Variants in SYT16 observed in about 807,000 individuals in gnomAD.
SYT16 encodes the protein synaptotagmin-16.
SYT16 carries 42 observed loss-of-function variants against 61.4 expected under a neutral mutation model. That is an observed-to-expected ratio of 0.68 (90% CI 0.53 to 0.89). The LOEUF (loss-of-function observed/expected upper bound fraction) is 0.89. Among genes scored for constraint, SYT16 ranks in the 40% least tolerant of loss-of-function variants. SYT16 has a pLI of 0.00. For synonymous variants in SYT16, 314 were observed against 302.3 expected (o/e 1.04, Z -0.40); for missense variants, 804 against 807.3 (o/e 1.00, Z 0.05).
chr14:61,997,269 G>C (rs190423172), intron 3 of SYT16, among the ~76,000 whole-genome samples: 26 of 152,106 alleles, frequency 1.7e-4, no homozygotes, highest in African/African-American at 5.5e-4. Context: ...CCTGGTTAAG[G>C]GACAGAGGTA....
chr14:61,993,221 C>A (rs2140617562), intron 2 of SYT16, among the ~76,000 whole-genome samples: 1 of 150,092 alleles, frequency 6.7e-6, no homozygotes, highest in Non-Finnish European at 1.5e-5. Flanking sequence ...AGTGAGAACA[C>A]ATGGACACAG....
At chr14:62,031,689 A>C (rs114701012) in intron 3 of SYT16, among the ~76,000 whole-genome samples, 1 of 152,174 alleles carries the variant, frequency 6.6e-6, no homozygotes, top group Non-Finnish European at 1.5e-5. Flanking sequence ...AGCAGACCTT[A>C]TGATTCATGT....
At chr14:62,099,851 C>T (rs530364028) in intron 7 of SYT16, among the ~76,000 whole-genome samples, 4 of 152,220 alleles carry the variant, frequency 2.6e-5, no homozygotes, top group African/African-American at 9.6e-5. Flanking sequence ...GCACCCCAGC[C>T]TGGGCAACGG....
At chr14:62,037,373 G>A (rs142605548) in intron 3 of SYT16, among the ~76,000 whole-genome samples, 201 of 152,118 alleles carry the variant, frequency 1.3e-3, no homozygotes, top group African/African-American at 4.5e-3. Context: ...AAGTTTACAC[G>A]TCTTTATTAA....
chr14:61,924,424 A>G (rs547442539), intron 1 of SYT16, among the ~76,000 whole-genome samples: 1 of 152,368 alleles, frequency 6.6e-6, no homozygotes, highest in South Asian at 2.1e-4. Context: ...ACCAGAGAGT[A>G]GAAGTGTTTG....
intron 1 of SYT16, among the ~76,000 whole-genome samples, chr14:61,840,546 A>G (rs1268638237): frequency 6.6e-6 from 1 of 152,234 alleles, no homozygotes; most frequent in Admixed American, 6.5e-5. Flanking sequence ...AGGCAAAGAA[A>G]GACAATTTTA....
intron 1 of SYT16, among the ~76,000 whole-genome samples, chr14:61,927,670 C>G (rs1200029258): frequency 6.6e-6 from 1 of 152,174 alleles, no homozygotes; most frequent in African/African-American, 2.4e-5. Flanking sequence ...AGTTTCTCTA[C>G]CTCCTCGTTA....
intron 1 of SYT16, among the ~76,000 whole-genome samples, chr14:61,899,677 TG>T (rs1469741687): frequency 1.3e-5 from 2 of 152,220 alleles, no homozygotes; most frequent in Non-Finnish European, 2.9e-5. Flanking sequence ...GACTTCAGAA[TG>T]GTCTCTGTCT....
intron 1 of SYT16, among the ~76,000 whole-genome samples, chr14:61,906,743 A>T (rs12885985): frequency 0.26 from 39,101 of 149,342 alleles, 6,132 homozygotes; most frequent in East Asian, 0.43. Flanking sequence ...CCATCCATCC[A>T]TCCATCCTTC....
intron 1 of SYT16, among the ~76,000 whole-genome samples, chr14:61,859,312 TA>T (rs1490947473): frequency 6.6e-6 from 1 of 151,990 alleles, no homozygotes; most frequent in Non-Finnish European, 1.5e-5. Flanking sequence ...ATGTGTACAG[TA>T]AAGAGCGACA....
intron 1 of SYT16, among the ~76,000 whole-genome samples, chr14:61,823,716 C>A (rs1001986067): frequency 6.6e-6 from 1 of 152,102 alleles, no homozygotes; most frequent in African/African-American, 2.4e-5. Context: ...GGCGCCACTG[C>A]GCTCCAGCCT....
At chr14:62,075,643 A>T (rs1314830989) in intron 5 of SYT16, among the ~76,000 whole-genome samples, 1 of 150,108 alleles carries the variant, frequency 6.7e-6, no homozygotes, top group African/African-American at 2.4e-5. Context: ...AAAAATAAGA[A>T]TGGTGGCAGA....
intron 3 of SYT16, among the ~76,000 whole-genome samples, chr14:62,020,093 A>G (rs539872800): frequency 3.3e-5 from 5 of 152,208 alleles, no homozygotes; most frequent in African/African-American, 1.2e-4. Flanking sequence ...CATAAATCAC[A>G]TGTAGTGGTT....
At chr14:61,937,658 T>C (rs555387841) in intron 1 of SYT16, among the ~76,000 whole-genome samples, 40 of 152,276 alleles carry the variant, frequency 2.6e-4, no homozygotes, top group African/African-American at 9.1e-4. Flanking sequence ...TTGGGACAAT[T>C]TTCAATAAGA....
chr14:62,063,540 T>C (rs528701858), intron 3 of SYT16, among the ~76,000 whole-genome samples: 4 of 152,140 alleles, frequency 2.6e-5, no homozygotes, highest in South Asian at 2.1e-4. Context: ...AAATATAATA[T>C]CCCAGTTTTA....
At chr14:61,849,904 C>A (rs1406223804) in intron 1 of SYT16, among the ~76,000 whole-genome samples, 1 of 152,150 alleles carries the variant, frequency 6.6e-6, no homozygotes, top group Non-Finnish European at 1.5e-5. Flanking sequence ...GTGCTGCCTC[C>A]ACTTCCACAG....
chr14:61,878,027 A>C (rs1249671566), intron 1 of SYT16, among the ~76,000 whole-genome samples: 1 of 152,120 alleles, frequency 6.6e-6, no homozygotes, highest in African/African-American at 2.4e-5. Flanking sequence ...GCCCTGGGCA[A>C]GGCCTTGGGG....
At position 61,975,782 on chromosome 14, in the gene SYT16, C is replaced by G. The variant is rs575238493; in HGVS notation, c.-145+5471C>G. Among the ~76,000 whole-genome samples, 4 of 152,288 alleles carry G rather than the reference C, an allele frequency of 2.6e-5. No homozygotes were observed. In the South Asian group the frequency reaches 8.3e-4, roughly 32 times the overall value. On this transcript the variant is annotated intron_variant, in intron 2 of 7. Coordinates refer to ENST00000683842, the MANE Select transcript of SYT16 (RefSeq NM_001367656.1). The stretch of plus-strand genomic sequence containing the variant: ...TCAAAATGAGGTTTGGGTGGGGACA[C>G]AAAGCCTAACCATATTATTCTGCTC...
intron 1 of SYT16, among the ~76,000 whole-genome samples, chr14:61,964,425 T>C (rs139067387): frequency 5.4e-4 from 82 of 152,284 alleles, no homozygotes; most frequent in African/African-American, 1.5e-3. Flanking sequence ...GTGATGGAAA[T>C]AGCCAGTGAA....
Sources: allele counts gnomAD v4.1 joint callset (sites outside exome capture counted in the v4.1 genomes callset), GRCh38; gene constraint gnomAD v4.1.1; transcripts MANE v1.5; gene names NCBI Gene and HGNC (gene_info 2026-07-23, HGNC 2026-07-21).